Variants in CYLC1 observed in about 807,000 individuals in gnomAD.
The protein encoded by CYLC1 is cylicin 1.
CYLC1 carries 2 observed loss-of-function variants against 31.6 expected under a neutral mutation model. The ratio of observed to expected loss-of-function variants is 0.06; its 90% CI spans 0.03 to 0.20. CYLC1 has a LOEUF of 0.20. CYLC1 is among the 10% of genes least tolerant of loss of function. The pLI, the probability that CYLC1 is intolerant of heterozygous loss-of-function variation, is 1.00. For missense variants in CYLC1, 595 were observed against 424.1 expected (o/e 1.40, Z -3.54); for synonymous variants, 185 against 153.0 (o/e 1.21, Z -1.54).
intron 1 of CYLC1, among the ~76,000 whole-genome samples, chrX:83,862,530 G>A (rs1334075253): frequency 5.4e-5 from 6 of 111,396 alleles, no homozygotes; most frequent in Admixed American, 2.8e-4. Flanking sequence ...GCGACAGAGC[G>A]AGACTCCGTC....
At chrX:83,863,980 G>T (rs2031554487) in intron 1 of CYLC1, among the ~76,000 whole-genome samples, 1 of 111,781 alleles carries the variant, frequency 8.9e-6, no homozygotes, top group Admixed American at 9.5e-5. Context: ...TAGTCTGACT[G>T]TTCCTGGTAT....
chrX:83,861,951 C>A (rs1206760107), intron 1 of CYLC1, among the ~76,000 whole-genome samples: 4 of 110,597 alleles, frequency 3.6e-5, no homozygotes, highest in Non-Finnish European at 7.6e-5. Flanking sequence ...CTTGTAAAGT[C>A]TATGAAAAAA....
Position 83,877,578 on chromosome X carries a change from T to A in CYLC1, c.1923+2947T>A, listed in dbSNP as rs143507461. On this transcript the variant is annotated intron_variant, in intron 4 of 4. Transcript: ENST00000329312. Reference sequence around the variant, plus strand: ...AAGATTGTTTTCTTGCAAAGCCTTCTCATGTGCTGTTTCCTCTGATTGGAA... The same window carrying A: ...AAGATTGTTTTCTTGCAAAGCCTTCACATGTGCTGTTTCCTCTGATTGGAA... 6.1e-3 allele frequency among the ~76,000 whole-genome samples: 670 copies of A among 109,295 alleles called. 6 individuals are homozygous for A. The highest frequency in any genetic ancestry group is 0.021 in the African/African-American group (638 of 30,172). 94.9% of individuals were successfully genotyped at this position (109,295 alleles called of 115,157 possible). A position where few individuals can be genotyped will look rare whatever the true frequency, so the allele number is the denominator to read the frequency against.
chrX:83,861,250 C>T, intron 1 of CYLC1, 51 bp downstream of exon 1: 2 of 903,608 alleles, frequency 2.2e-6, no homozygotes, highest in Non-Finnish European at 3.1e-6. Flanking sequence ...CCAATATGCT[C>T]AATTTAGTTA....
intron 4 of CYLC1, among the ~76,000 whole-genome samples, chrX:83,876,422 T>G (rs188292588): frequency 2.0e-4 from 22 of 111,313 alleles, no homozygotes; most frequent in Admixed American, 1.9e-3. Flanking sequence ...CCACAGGCAG[T>G]TTTTAGGAAA....
intron 1 of CYLC1, among the ~76,000 whole-genome samples, chrX:83,863,155 A>G (rs1296311500): frequency 9.0e-6 from 1 of 111,600 alleles, no homozygotes; most frequent in Non-Finnish European, 1.9e-5. Flanking sequence ...TAGGTGATCA[A>G]TCTCATATCT....
In CYLC1 at chrX:83,872,854, C is replaced by A. The variant is rs2031690205; in HGVS notation, c.178-32C>A. On this transcript the variant is annotated intron_variant, in intron 3 of 4. Coordinates refer to ENST00000329312, the MANE Select transcript of CYLC1 (RefSeq NM_021118.3). ...AATATAGAAAGATAAAACTCATTCA[C>A]AAATGCTTATTATTCTAACCAATCT... 4.0e-6 allele frequency: 4 copies of A among 992,130 alleles called. No homozygotes were observed. In the South Asian group the frequency reaches 8.0e-5, roughly 20 times the overall value. 81.8% of individuals were successfully genotyped at this position (992,130 alleles called of 1,213,427 possible).
chrX:83,869,735 A>G, intron 1 of CYLC1, 130 bp from the exon 2 acceptor site: 1 of 287,238 alleles, frequency 3.5e-6, no homozygotes, highest in Non-Finnish European at 5.5e-6. Context: ...AGACAGTTCC[A>G]AATCACTGAT....
chrX:83,882,075 C>T (rs1464965531), intron 4 of CYLC1, among the ~76,000 whole-genome samples: 1 of 111,348 alleles, frequency 9.0e-6, no homozygotes, highest in African/African-American at 3.3e-5. Flanking sequence ...AAGTTACAGT[C>T]AAGTACCAGT....
At chrX:83,884,027 A>G (rs2031949335) in intron 4 of CYLC1, among the ~76,000 whole-genome samples, 1 of 111,518 alleles carries the variant, frequency 9.0e-6, no homozygotes, top group South Asian at 3.7e-4. Context: ...CAGGCTGTGA[A>G]ATTATATTAT....
At chrX:83,872,493 C>T (rs2031679725) in intron 3 of CYLC1, among the ~76,000 whole-genome samples, 1 of 110,100 alleles carries the variant, frequency 9.1e-6, no homozygotes, top group Non-Finnish European at 1.9e-5. Flanking sequence ...CAGTTTATTT[C>T]TGATTTAACT....
At chrX:83,864,501 A>C (rs1298120686) in intron 1 of CYLC1, among the ~76,000 whole-genome samples, 1 of 111,048 alleles carries the variant, frequency 9.0e-6, no homozygotes, top group African/African-American at 3.3e-5. Context: ...AAAACTTCCC[A>C]AAATAATTAT....
At position 83,873,726 on chromosome X, in the gene CYLC1, T is replaced by C. The variant is rs751413301; in HGVS notation, c.1018T>C (p.Ser340Pro). 5 of 1,186,135 alleles carry C rather than the reference T, an allele frequency of 4.2e-6. No homozygotes were observed. The highest frequency in any genetic ancestry group is 5.7e-6 in the Non-Finnish European group (5 of 880,043). The change falls in exon 4 of 5, where the codon TCA becomes CCA. Residue 340 changes from serine to proline, a missense_variant. Physicochemically the swap from Ser to Pro is moderately conservative, Grantham distance 74. Transcript: ENST00000329312. ...GTCTACTGATGCTGAATCTGGAGAC[T>C]CAAAGGATGAAAGGAAAGATACAAA... ...TESTDAESGD[S>P]KDERKDTKKD...
intron 4 of CYLC1, 115 bp from the exon 5 acceptor site, chrX:83,886,437 C>G: frequency 1.5e-6 from 1 of 686,327 alleles, no homozygotes. Context: ...TCCAAGTTCC[C>G]TTTCAACTAT....
At position 83,874,263 on chromosome X, in the gene CYLC1, T is replaced by C; in HGVS notation, c.1555T>C (p.Ser519Pro). The change falls in exon 4 of 5, where the codon TCT becomes CCT. Residue 519 changes from serine (S) to proline (P), a missense_variant. Transcript: ENST00000329312. ...GAAGGATGCAAGAAAGGACACAGAG[T>C]CTACTGATGCTGAATTTGATGAATC... is the stretch of plus-strand genomic sequence containing the variant. Reference protein sequence around the residue: ...IKKDARKDTESTDAEFDESSK... With the variant: ...IKKDARKDTEPTDAEFDESSK... 1 of 1,208,038 alleles carries C rather than the reference T, an allele frequency of 8.3e-7. No individual in the cohort carries two copies. The highest frequency in any genetic ancestry group is 1.8e-5 in the South Asian group (1 of 56,606).
At position 83,872,928 on chromosome X, in the gene CYLC1, C is replaced by A; in HGVS notation, c.220C>A (p.His74Asn). 1.7e-6 allele frequency: 2 copies of A among 1,190,613 alleles called. No homozygotes were observed. The highest frequency in any genetic ancestry group is 3.6e-5 in the African/African-American group (2 of 56,229). The change falls in exon 4 of 5, where the codon CAT becomes AAT. Residue 74 changes from histidine (H) to asparagine (N), a missense_variant. Transcript: ENST00000329312. ...ACTAGAAGAAGGCCAGAAACCAGCT[C>A]ATAAATGGATAAGGCATTCTTTCAG... ...RKLEEGQKPA[H>N]KWIRHSFRKI... is the part of the protein sequence containing the mutation.
chrX:83,868,645 T>C (rs1439596828), intron 1 of CYLC1, among the ~76,000 whole-genome samples: 1 of 111,107 alleles, frequency 9.0e-6, no homozygotes, highest in Non-Finnish European at 1.9e-5. Flanking sequence ...AATCATTTAT[T>C]GAAAACACCA....
chrX:83,877,264 G>A (rs1008837461), intron 4 of CYLC1, among the ~76,000 whole-genome samples: 4 of 110,580 alleles, frequency 3.6e-5, no homozygotes, highest in Admixed American at 1.9e-4. Context: ...TACCACCTTC[G>A]TTGCTCCAGT....
At position 83,873,146 on chromosome X, in the gene CYLC1, A is replaced by G; in HGVS notation, c.438A>G (p.Gln146=). The G allele has an allele frequency of 1.7e-6, 2 of 1,201,822 alleles. No homozygotes were observed. The highest frequency in any genetic ancestry group is 2.2e-6 in the Non-Finnish European group (2 of 890,761). The part of the protein sequence containing the change: ...GSYATNPESK[Q]IVEEKTKRQN... ...ATGCAACAAATCCAGAATCCAAGCAAATAGTAGAAGAGAAAACTAAAAGAC... is the reference window on the plus strand; with the variant it reads ...ATGCAACAAATCCAGAATCCAAGCAGATAGTAGAAGAGAAAACTAAAAGAC... The change falls in exon 4 of 5, where the codon CAA becomes CAG. Residue 146 remains glutamine (Q), a synonymous_variant. Coordinates refer to ENST00000329312, the MANE Select transcript of CYLC1 (RefSeq NM_021118.3).
Sources: gnomAD v4.1 joint callset for allele counts (sites outside exome capture counted in the v4.1 genomes callset) on GRCh38, gnomAD v4.1.1 for gene constraint, MANE v1.5 for transcripts, NCBI Gene and HGNC (gene_info 2026-07-23, HGNC 2026-07-21) for gene names.